FSTL4: variants seen among roughly 807,000 people sequenced by gnomAD.
The protein encoded by FSTL4 is follistatin-related protein 4.
In FSTL4, 28 loss-of-function variants were observed where a neutral mutation model predicts 78.2. The ratio of observed to expected loss-of-function variants is 0.36; its 90% CI spans 0.27 to 0.49. The LOEUF (loss-of-function observed/expected upper bound fraction) is 0.49. Ranked by LOEUF, FSTL4 falls within the 20% of genes least tolerant of loss-of-function variation. FSTL4 has a pLI of 0.98. For synonymous variants in FSTL4, 422 were observed against 440.5 expected (o/e 0.96, Z 0.53); for missense variants, 922 against 1,084.9 (o/e 0.85, Z 2.11).
chr5:133,488,420 A>C (rs1412692852), intron 3 of FSTL4, among the ~76,000 whole-genome samples: 1 of 152,114 alleles, frequency 6.6e-6, no homozygotes, highest in African/African-American at 2.4e-5. Context: ...ACATCCAGCT[A>C]ATTTTTATAT....
rs544590215 is a variant in FSTL4, at chr5:133,380,360, A to C, written c.409+20378T>G. On this transcript the variant is annotated intron_variant, in intron 4 of 15. Transcript: ENST00000265342. ...TAAAAATAGTAAGGAGGATGATATT[A>C]CTACTGACTTTACAAAATAAAAAGG... Among the ~76,000 whole-genome samples, 5 of 152,222 alleles carry C rather than the reference A, an allele frequency of 3.3e-5. No homozygotes were observed. In the South Asian group the frequency reaches 1.0e-3, roughly 32 times the overall value.
chr5:133,595,772 A>G (rs1760725248), intron 2 of FSTL4, among the ~76,000 whole-genome samples: 1 of 152,166 alleles, frequency 6.6e-6, no homozygotes, highest in African/African-American at 2.4e-5. Context: ...GCTCATGACA[A>G]CCCTGAAAAT....
chr5:133,309,298 G>T (rs1264700912), intron 6 of FSTL4, among the ~76,000 whole-genome samples: 1 of 152,166 alleles, frequency 6.6e-6, no homozygotes, highest in African/African-American at 2.4e-5. Context: ...TGAGCCTTTA[G>T]TTCCTAGATC....
chr5:133,436,744 T>C (rs544221769), intron 3 of FSTL4, among the ~76,000 whole-genome samples: 2 of 150,970 alleles, frequency 1.3e-5, no homozygotes, highest in Admixed American at 6.6e-5. Context: ...CGAGAACCGG[T>C]TGTTAAACAT....
the FSTL4 span, among the ~76,000 whole-genome samples, chr5:133,685,616 C>T: frequency 6.6e-6 from 1 of 152,244 alleles, no homozygotes; most frequent in African/African-American, 2.4e-5. Context: ...CCGCAGGCCC[C>T]ACCCAGGAGG....
the FSTL4 span, among the ~76,000 whole-genome samples, chr5:133,663,929 A>C: frequency 1.1e-4 from 17 of 152,322 alleles, no homozygotes; most frequent in African/African-American, 4.1e-4. Context: ...CTGGAGAGCC[A>C]GTGTGGGGAG....
intron 5 of FSTL4, 147 bp downstream of exon 5, chr5:133,316,312 T>C (rs1237024678): frequency 3.3e-6 from 2 of 600,416 alleles, no homozygotes; most frequent in African/African-American, 1.8e-5. Flanking sequence ...AGGCTAAAGG[T>C]GGCTGGTGGG....
At chr5:133,260,230 C>T (rs1752486706) in intron 6 of FSTL4, among the ~76,000 whole-genome samples, 1 of 152,178 alleles carries the variant, frequency 6.6e-6, no homozygotes, top group South Asian at 2.1e-4. Flanking sequence ...CATTTCCACC[C>T]CACAGCACAG....
chr5:133,774,815 G>A, the FSTL4 span, among the ~76,000 whole-genome samples: 2 of 152,072 alleles, frequency 1.3e-5, no homozygotes, highest in Non-Finnish European at 1.5e-5. Context: ...ATATTATTAG[G>A]CTAATTGTAC....
intron 3 of FSTL4, among the ~76,000 whole-genome samples, chr5:133,434,357 T>C (rs541794715): frequency 6.6e-6 from 1 of 152,354 alleles, no homozygotes; most frequent in Non-Finnish European, 1.5e-5. Context: ...TACATAAATA[T>C]ACATATGTAC....
At chr5:133,674,237 G>A in the FSTL4 span, among the ~76,000 whole-genome samples, 1 of 152,092 alleles carries the variant, frequency 6.6e-6, no homozygotes, top group African/African-American at 2.4e-5. Flanking sequence ...GGTGCTGAAG[G>A]CTGTTCTGCC....
At chr5:133,305,483 G>A (rs1359240100) in intron 6 of FSTL4, among the ~76,000 whole-genome samples, 1 of 152,140 alleles carries the variant, frequency 6.6e-6, no homozygotes, top group Admixed American at 6.5e-5. Context: ...GTTATCTCTA[G>A]CTCGGCGTTC....
chr5:133,815,273 G>A, the FSTL4 span, among the ~76,000 whole-genome samples: 2 of 152,138 alleles, frequency 1.3e-5, no homozygotes, highest in Non-Finnish European at 2.9e-5. Flanking sequence ...TGAACTATTT[G>A]GCTAAAGTAG....
chr5:133,699,945 G>A, the FSTL4 span, among the ~76,000 whole-genome samples: 1 of 151,086 alleles, frequency 6.6e-6, no homozygotes, highest in Non-Finnish European at 1.5e-5. Flanking sequence ...AGGTCTGCAG[G>A]TTGGCTACAA....
chr5:133,466,696 A>G (rs2112843881), intron 3 of FSTL4, among the ~76,000 whole-genome samples: 1 of 152,388 alleles, frequency 6.6e-6, no homozygotes, highest in South Asian at 2.1e-4. Context: ...GTACAAAGTG[A>G]ACAGGGCAAG....
intron 3 of FSTL4, among the ~76,000 whole-genome samples, chr5:133,492,792 T>C (rs1758292868): frequency 6.6e-6 from 1 of 152,114 alleles, no homozygotes; most frequent in African/African-American, 2.4e-5. Flanking sequence ...GCTTTTCTTA[T>C]AGACTACCCT....
At chr5:133,544,889 G>A (rs1164351748) in intron 3 of FSTL4, among the ~76,000 whole-genome samples, 11 of 152,182 alleles carry the variant, frequency 7.2e-5, no homozygotes, top group Non-Finnish European at 1.6e-4. Context: ...CTGAGTAGGT[G>A]AAATTCTGGC....
rs1365117318 is a variant in FSTL4 at position 133,395,602 on chromosome 5, G to A, written c.409+5136C>T. On this transcript the variant is annotated intron_variant, in intron 4 of 15. Coordinates refer to ENST00000265342, the MANE Select transcript of FSTL4 (RefSeq NM_015082.2). ...CAGACTTCCCTGCTTGGCACACAAG[G>A]CCTTTCCCCAGCTTGCTGTGATCCA... 1.8e-4 allele frequency among the ~76,000 whole-genome samples: 27 copies of A among 152,180 alleles called. 1 individual carries two copies. Among genetic ancestry groups the A allele is most frequent in the Admixed American group, 1.8e-3 (27 of 15,278 alleles).
the FSTL4 span, among the ~76,000 whole-genome samples, chr5:133,723,064 G>A: frequency 6.6e-6 from 1 of 152,180 alleles, no homozygotes; most frequent in East Asian, 1.9e-4. Flanking sequence ...CAGCAGGACT[G>A]GGATCTAATG....
Sources: gnomAD v4.1 joint callset for allele counts (sites outside exome capture counted in the v4.1 genomes callset) on GRCh38, gnomAD v4.1.1 for gene constraint, MANE v1.5 for transcripts, NCBI Gene and HGNC (gene_info 2026-07-23, HGNC 2026-07-21) for gene names.